PSD2: variants seen among roughly 807,000 people sequenced by gnomAD.
PSD2 encodes pleckstrin and Sec7 domain containing 2, also known as PH and SEC7 domain-containing protein 2.
PSD2 carries 38 observed loss-of-function variants against 69.8 expected under a neutral mutation model. The ratio of observed to expected loss-of-function variants is 0.54; its 90% CI spans 0.42 to 0.71. The LOEUF (loss-of-function observed/expected upper bound fraction) is 0.71, where lower values mean the gene tolerates loss of function less well. Ranked by LOEUF, PSD2 falls within the 30% of genes least tolerant of loss-of-function variation. PSD2 has a pLI of 0.00. For missense variants in PSD2, 943 were observed against 1,014.5 expected, an observed-to-expected ratio of 0.93 and a Z score of 0.96; for synonymous variants, 412 against 423.0, an observed-to-expected ratio of 0.97 and a Z score of 0.32.
chr5:139,833,817 C>T, intron 8 of PSD2, 26 bp downstream of exon 8: 1 of 1,534,548 alleles, frequency 6.5e-7, no homozygotes, highest in South Asian at 1.1e-5. Context: ...TGTCCCCATC[C>T]CACTAGCTGT....
chr5:139,819,287 C>T (rs1335400071), intron 5 of PSD2, among the ~76,000 whole-genome samples: 1 of 152,148 alleles, frequency 6.6e-6, no homozygotes, highest in Non-Finnish European at 1.5e-5. Flanking sequence ...ATAATAGGGT[C>T]CAGGCCCTCG....
At chr5:139,812,802 C>T (rs527353318) in intron 2 of PSD2, among the ~76,000 whole-genome samples, 2 of 152,290 alleles carry the variant, frequency 1.3e-5, no homozygotes, top group South Asian at 4.1e-4. Context: ...GTTCACACTG[C>T]TTTGGGAGCC....
intron 1 of PSD2, among the ~76,000 whole-genome samples, chr5:139,803,597 G>C (rs1198206262): frequency 6.6e-6 from 1 of 152,220 alleles, no homozygotes; most frequent in Non-Finnish European, 1.5e-5. Flanking sequence ...GCAGAGCTTG[G>C]ATTTGGAGCC....
At chr5:139,786,378 A>ACC in the PSD2 span, among the ~76,000 whole-genome samples, 6 of 152,194 alleles carry the variant, frequency 3.9e-5, no homozygotes, top group African/African-American at 1.4e-4. Context: ...ACAGAGCAAG[A>ACC]CCCTGCTTCG....
At chr5:139,822,813 GCA>G in intron 7 of PSD2, 29 bp downstream of exon 7, 1 of 1,591,018 alleles carries the variant, frequency 6.3e-7, no homozygotes, top group Non-Finnish European at 8.6e-7. Flanking sequence ...GGGGGGTGTC[GCA>G]TGTCCTCTCA....
intron 1 of PSD2, among the ~76,000 whole-genome samples, chr5:139,807,635 T>C (rs944383009): frequency 6.6e-6 from 1 of 152,082 alleles, no homozygotes; most frequent in South Asian, 2.1e-4. Context: ...TTCTAGGAGG[T>C]GAGGGTCAGT....
the PSD2 span, among the ~76,000 whole-genome samples, chr5:139,778,759 C>CA: frequency 1.1e-3 from 156 of 144,748 alleles, no homozygotes; most frequent in South Asian, 1.1e-3. Context: ...CCCATCTCTC[C>CA]AAAAAAAAAA....
chr5:139,813,402 C>T lies in PSD2; in HGVS notation c.465C>T (p.Tyr155=), dbSNP rs1384253806. 4.3e-6 allele frequency: 7 copies of T among 1,613,488 alleles called. No individual in the cohort carries two copies. The South Asian group carries it at 4.4e-5, about 10-fold the overall frequency. Residue 155 remains tyrosine, a synonymous_variant, in exon 3 of 15, where the codon TAC becomes TAT. Coordinates refer to ENST00000274710, the MANE Select transcript of PSD2 (RefSeq NM_032289.4). ...CAGAGCTGCTGCGGGGCACCCAGTA[C>T]AGCAGCCTCGACTCCCTAGACGGGC... ...LESELLRGTQ[Y]SSLDSLDGLS... is the part of the protein sequence containing the mutation.
chr5:139,763,742 C>T, the PSD2 span, among the ~76,000 whole-genome samples: 11 of 152,348 alleles, frequency 7.2e-5, no homozygotes, highest in Admixed American at 5.9e-4. Flanking sequence ...TCTGCCTTTG[C>T]TCTCACACCC....
chr5:139,769,253 G>A, the PSD2 span, among the ~76,000 whole-genome samples: 12 of 152,068 alleles, frequency 7.9e-5, no homozygotes, highest in South Asian at 2.1e-4. Context: ...GCAGGGCTAC[G>A]GCTGCAGCAG....
At chr5:139,781,123 T>C in the PSD2 span, among the ~76,000 whole-genome samples, 4 of 152,286 alleles carry the variant, frequency 2.6e-5, no homozygotes, top group South Asian at 8.3e-4. Context: ...ATTCAAATTA[T>C]TGTTTAAAAA....
At chr5:139,807,198 T>G (rs1307319117) in intron 1 of PSD2, among the ~76,000 whole-genome samples, 3 of 152,176 alleles carry the variant, frequency 2.0e-5, no homozygotes, top group Non-Finnish European at 4.4e-5. Flanking sequence ...CCTAGGTATG[T>G]GTAGGGGAGC....
intron 7 of PSD2, among the ~76,000 whole-genome samples, chr5:139,825,100 G>A (rs201723080): frequency 2.4e-3 from 361 of 152,332 alleles, no homozygotes; most frequent in African/African-American, 8.5e-3. Flanking sequence ...AGACAAGAAA[G>A]GGAGCCCCAC....
chr5:139,762,703 C>CT, the PSD2 span, among the ~76,000 whole-genome samples: 1 of 152,154 alleles, frequency 6.6e-6, no homozygotes, highest in African/African-American at 2.4e-5. Flanking sequence ...GTCATCTACC[C>CT]TGCAGACAGT....
chr5:139,766,888 C>CTTTCT, the PSD2 span, among the ~76,000 whole-genome samples: 1 of 71,146 alleles, frequency 1.4e-5, no homozygotes, highest in Non-Finnish European at 2.9e-5. Context: ...TCTTTCTTTC[C>CTTTCT]TTCTTTCCCT....
At chr5:139,780,665 A>G in the PSD2 span, among the ~76,000 whole-genome samples, 1 of 152,134 alleles carries the variant, frequency 6.6e-6, no homozygotes. Flanking sequence ...ACTGGTCTTG[A>G]ACTCCTGGTC....
the PSD2 span, among the ~76,000 whole-genome samples, chr5:139,756,067 C>T: frequency 2.6e-5 from 4 of 152,178 alleles, no homozygotes; most frequent in Non-Finnish European, 5.9e-5. Context: ...GCAGCCCCCA[C>T]CCCCAGTCAC....
chr5:139,780,153 C>T, the PSD2 span, among the ~76,000 whole-genome samples: 1 of 152,182 alleles, frequency 6.6e-6, no homozygotes, highest in African/African-American at 2.4e-5. Context: ...TTACACTCTA[C>T]CCTTGAGTTC....
chr5:139,758,850 T>A, the PSD2 span, among the ~76,000 whole-genome samples: 1 of 152,094 alleles, frequency 6.6e-6, no homozygotes, highest in South Asian at 2.1e-4. Context: ...ACTTGGGCAG[T>A]GTCTCCCATT....
Sources: gnomAD v4.1 joint callset for allele counts (sites outside exome capture counted in the v4.1 genomes callset) on GRCh38, gnomAD v4.1.1 for gene constraint, MANE v1.5 for transcripts, NCBI Gene and HGNC (gene_info 2026-07-23, HGNC 2026-07-21) for gene names.